The following PAK5 variants were observed in gnomAD, a reference collection of about 807,000 sequenced individuals.
The protein encoded by PAK5 is serine/threonine-protein kinase PAK 5.
A neutral mutation model predicts 65.9 loss-of-function variants in PAK5; 16 were observed. The observed-to-expected ratio is 0.24, with a 90% CI of 0.16 to 0.37. The LOEUF (loss-of-function observed/expected upper bound fraction) is 0.37. Ranked by LOEUF, PAK5 falls within the 10% of genes least tolerant of loss-of-function variation. The pLI, the probability that PAK5 is intolerant of heterozygous loss-of-function variation, is 1.00. For missense variants in PAK5, 785 were observed against 903.9 expected (o/e 0.87, Z 1.69); for synonymous variants, 371 against 354.9 (o/e 1.05, Z -0.51).
chr20:9,773,994 A>G (rs763435157), intron 1 of PAK5, among the ~76,000 whole-genome samples: 3 of 152,224 alleles, frequency 2.0e-5, no homozygotes, highest in Non-Finnish European at 2.9e-5. Context: ...TCAAAAGGTT[A>G]TATTTCAGAA....
In PAK5 at chr20:9,537,989, G is replaced by A. The variant is rs1031757364; in HGVS notation, c.*1473C>T. ...TTTAAATTCATATTTGTTACAGTAT[G>A]TGAAATAGTTAAGAAAAGCCTCTGT... On this transcript the variant is annotated 3_prime_UTR_variant, in exon 10 of 10. Coordinates refer to ENST00000353224, the MANE Select transcript of PAK5 (RefSeq NM_177990.4). 1.3e-5 allele frequency: 3 copies of A among 231,912 alleles called. No individual in the cohort carries two copies. The highest frequency in any genetic ancestry group is 6.6e-5 in the African/African-American group (3 of 45,254). 14.4% of individuals were successfully genotyped at this position (231,912 alleles called of 1,614,324 possible).
chr20:9,587,630 A>C (rs2046092804), intron 3 of PAK5, among the ~76,000 whole-genome samples: 1 of 152,106 alleles, frequency 6.6e-6, no homozygotes, highest in Non-Finnish European at 1.5e-5. Flanking sequence ...AGTGCACACA[A>C]ATCACCCAAG....
rs551253640 is a variant in PAK5 at position 9,599,223 on chromosome 20, A to G, written c.205-18293T>C. On this transcript the variant is annotated intron_variant, in intron 3 of 9. Coordinates refer to ENST00000353224, the MANE Select transcript of PAK5 (RefSeq NM_177990.4). ...TTTCATTCCTTTTAAAAGTTGAATA[A>G]TATCTACCACATTTTGTTTATCCAT... Among the ~76,000 whole-genome samples the G allele has an allele frequency of 1.4e-4, 22 of 152,352 alleles. No individual in the cohort carries two copies. The Middle Eastern group carries it at 0.031, about 212-fold the overall frequency.
At chr20:9,819,964 A>G (rs2049400718) in intron 1 of PAK5, among the ~76,000 whole-genome samples, 1 of 152,174 alleles carries the variant, frequency 6.6e-6, no homozygotes, top group African/African-American at 2.4e-5. Flanking sequence ...CCCAAGAAAG[A>G]AAACTATACA....
At position 9,734,250 on chromosome 20, in the gene PAK5, A is replaced by G. The variant is rs761931600; in HGVS notation, c.-161-22815T>C. Reference sequence around the variant, plus strand: ...AAATGTTTGGGTCTTTGTTTACAAGAAGCTCTATATTGAGTGTCAGTATAT... The same window carrying G: ...AAATGTTTGGGTCTTTGTTTACAAGGAGCTCTATATTGAGTGTCAGTATAT... On this transcript the variant is annotated intron_variant, in intron 1 of 9. Transcript: ENST00000353224. Among the ~76,000 whole-genome samples the G allele has an allele frequency of 1.6e-4, 25 of 152,328 alleles. No homozygotes were observed. The East Asian group carries it at 4.4e-3, about 27-fold the overall frequency.
chr20:9,726,079 T>A (rs1221396534), intron 1 of PAK5, among the ~76,000 whole-genome samples: 1 of 152,090 alleles, frequency 6.6e-6, no homozygotes, highest in Non-Finnish European at 1.5e-5. Flanking sequence ...TTTGTAGGAG[T>A]CAAGGTATTA....
intron 7 of PAK5, among the ~76,000 whole-genome samples, chr20:9,554,828 C>A (rs555887023): frequency 1.3e-5 from 2 of 152,222 alleles, no homozygotes; most frequent in African/African-American, 4.8e-5. Context: ...GGCCAAGAGG[C>A]ACAAGATCCA....
chr20:9,686,154 C>T (rs898195718), intron 2 of PAK5, among the ~76,000 whole-genome samples: 1 of 152,182 alleles, frequency 6.6e-6, no homozygotes, highest in Non-Finnish European at 1.5e-5. Context: ...AGCCAAGTCA[C>T]CAGTGTAATA....
chr20:9,662,182 T>A (rs539414546), intron 2 of PAK5, among the ~76,000 whole-genome samples: 1 of 152,240 alleles, frequency 6.6e-6, no homozygotes, highest in South Asian at 2.1e-4. Flanking sequence ...CACCATGCAT[T>A]GGGAGTTAAT....
chr20:9,729,927 G>T (rs969913307), intron 1 of PAK5, among the ~76,000 whole-genome samples: 1 of 148,330 alleles, frequency 6.7e-6, no homozygotes, highest in East Asian at 2.0e-4. Flanking sequence ...TGGGAGGATT[G>T]CTTGAACCTG....
chr20:9,572,623 GACT>G (rs1457247620), intron 4 of PAK5, among the ~76,000 whole-genome samples: 1 of 152,206 alleles, frequency 6.6e-6, no homozygotes, highest in African/African-American at 2.4e-5. Context: ...AGTGGAATGG[GACT>G]AGTGACAGGA....
chr20:9,626,206 T>G (rs2046841635), intron 3 of PAK5, among the ~76,000 whole-genome samples: 3 of 151,982 alleles, frequency 2.0e-5, no homozygotes, highest in Admixed American at 2.0e-4. Context: ...TCTGTAGAAT[T>G]CTAATGTGGA....
rs190841220 is a variant in PAK5, at chr20:9,790,667, A to C, written c.-162+48095T>G. 7.2e-5 allele frequency among the ~76,000 whole-genome samples: 11 copies of C among 152,094 alleles called. No individual in the cohort carries two copies. The East Asian group carries it at 9.7e-4, about 13-fold the overall frequency. Reference sequence around the variant, plus strand: ...ACTACAGGTGTACAACACAACACCTAATTTTTTATTTTTTGTAGACAGGGT... The same window carrying C: ...ACTACAGGTGTACAACACAACACCTCATTTTTTATTTTTTGTAGACAGGGT... On this transcript the variant is annotated intron_variant, in intron 1 of 9. Coordinates refer to ENST00000353224, the MANE Select transcript of PAK5 (RefSeq NM_177990.4).
rs545036724 is a variant in PAK5 at position 9,736,672 on chromosome 20, C to T, written c.-161-25237G>A. Among the ~76,000 whole-genome samples the T allele has an allele frequency of 3.5e-4, 53 of 152,266 alleles. 1 individual carries two copies. The highest frequency in any genetic ancestry group is 3.5e-3 in the Admixed American group (53 of 15,292). On this transcript the variant is annotated intron_variant, in intron 1 of 9. Coordinates refer to ENST00000353224, the MANE Select transcript of PAK5 (RefSeq NM_177990.4). ...GTTGAAAGTGCTCATCTTATACCAT[C>T]TTTAGAAGGCAACTTAAGATTGGTT...
At chr20:9,558,731 G>T (rs2045549555) in intron 6 of PAK5, among the ~76,000 whole-genome samples, 1 of 152,134 alleles carries the variant, frequency 6.6e-6, no homozygotes, top group Non-Finnish European at 1.5e-5. Context: ...TCTCTCAAAA[G>T]GAAATTGGAC....
At chr20:9,672,611 C>T (rs1013641711) in intron 2 of PAK5, among the ~76,000 whole-genome samples, 8 of 152,026 alleles carry the variant, frequency 5.3e-5, no homozygotes, top group African/African-American at 1.7e-4. Flanking sequence ...ATTGTGAAGC[C>T]TCCTCGGCCA....
intron 3 of PAK5, among the ~76,000 whole-genome samples, chr20:9,623,003 C>G (rs2046792941): frequency 6.6e-6 from 1 of 152,130 alleles, no homozygotes; most frequent in Admixed American, 6.6e-5. Context: ...GCTCTTAAAA[C>G]ACAATATGCA....
At chr20:9,795,171 A>T (rs1312229920) in intron 1 of PAK5, among the ~76,000 whole-genome samples, 1 of 152,120 alleles carries the variant, frequency 6.6e-6, no homozygotes, top group Non-Finnish European at 1.5e-5. Context: ...ATCAGTCTAT[A>T]GGCAAAGAAA....
At chr20:9,655,590 C>T (rs546098819) in intron 2 of PAK5, among the ~76,000 whole-genome samples, 13 of 152,060 alleles carry the variant, frequency 8.5e-5, no homozygotes, top group Non-Finnish European at 1.3e-4. Flanking sequence ...TTAACATTTA[C>T]GTTCTGGGGC....
Sources: gnomAD v4.1 joint callset for allele counts (sites outside exome capture counted in the v4.1 genomes callset) on GRCh38, gnomAD v4.1.1 for gene constraint, MANE v1.5 for transcripts, NCBI Gene and HGNC (gene_info 2026-07-23, HGNC 2026-07-21) for gene names.